Variants in TNS1 observed in about 807,000 individuals in gnomAD.
The protein encoded by TNS1 is tensin 1.
Under a neutral mutation model 168.6 loss-of-function variants are expected in TNS1, and 62 were observed. The ratio of observed to expected loss-of-function variants is 0.37; its 90% CI spans 0.30 to 0.45. The LOEUF is 0.45. Among genes scored for constraint, TNS1 ranks in the 20% least tolerant of loss-of-function variants. TNS1 has a pLI of 1.00. For missense variants in TNS1, 2,240 were observed against 2,339.4 expected, an observed-to-expected ratio of 0.96 and a Z score of 0.88; for synonymous variants, 934 against 933.2, an observed-to-expected ratio of 1.00 and a Z score of -0.02.
chr2:217,850,375 A>G (rs1051923704), intron 18 of TNS1: 7 of 985,178 alleles, frequency 7.1e-6, no homozygotes, highest in Non-Finnish European at 8.4e-6. Context: ...GAACACAAAA[A>G]CAAGATGTCT....
intron 24 of TNS1, among the ~76,000 whole-genome samples, chr2:217,816,801 G>C (rs1027269543): frequency 6.6e-6 from 1 of 152,156 alleles, no homozygotes; most frequent in African/African-American, 2.4e-5. Flanking sequence ...TAGGTGTCCT[G>C]GCTTGGCAGG....
At chr2:217,830,745 A>G (rs768373194) in intron 22 of TNS1, among the ~76,000 whole-genome samples, 2 of 152,240 alleles carry the variant, frequency 1.3e-5, no homozygotes, top group African/African-American at 2.4e-5. Flanking sequence ...TGCAGCCAGC[A>G]TCGGGAGTAG....
chr2:217,816,960 G>C (rs893093792), intron 24 of TNS1, among the ~76,000 whole-genome samples: 6 of 152,204 alleles, frequency 3.9e-5, no homozygotes, highest in African/African-American at 1.4e-4. Context: ...TTTAGACAAT[G>C]AGCTTTCTAA....
At chr2:217,810,591 A>G (rs953279328) in intron 28 of TNS1, among the ~76,000 whole-genome samples, 1 of 152,174 alleles carries the variant, frequency 6.6e-6, no homozygotes, top group African/African-American at 2.4e-5. Context: ...AAAGACGATG[A>G]TCATGGTACC....
chr2:217,904,684 G>A (rs978674901), intron 6 of TNS1, among the ~76,000 whole-genome samples: 9 of 152,046 alleles, frequency 5.9e-5, no homozygotes, highest in African/African-American at 1.7e-4. Context: ...ACAACTAAAC[G>A]GCCACCTCTT....
intron 18 of TNS1, among the ~76,000 whole-genome samples, chr2:217,876,324 G>A (rs1365818022): frequency 2.0e-5 from 3 of 152,174 alleles, no homozygotes; most frequent in Non-Finnish European, 4.4e-5. Context: ...CCTACCCATG[G>A]GGACCTGGAA....
At chr2:218,001,581 A>G (rs1184547967) in intron 1 of TNS1, among the ~76,000 whole-genome samples, 3 of 152,106 alleles carry the variant, frequency 2.0e-5, no homozygotes, top group African/African-American at 7.2e-5. Context: ...AACCTGGCCA[A>G]GGCTCCCATT....
intron 30 of TNS1, 35 bp from the exon 31 acceptor site, chr2:217,808,706 T>A: frequency 1.2e-6 from 2 of 1,603,424 alleles, no homozygotes; most frequent in Non-Finnish European, 1.7e-6. Flanking sequence ...AGAGAATGAG[T>A]GCTGAAGGGG....
intron 18 of TNS1, among the ~76,000 whole-genome samples, chr2:217,859,880 C>T (rs1158453275): frequency 1.3e-5 from 2 of 152,144 alleles, no homozygotes; most frequent in African/African-American, 2.4e-5. Context: ...GATAATAAGA[C>T]ACCAAATCCC....
intron 2 of TNS1, among the ~76,000 whole-genome samples, chr2:217,982,327 A>T (rs1437120241): frequency 6.6e-6 from 1 of 152,082 alleles, no homozygotes; most frequent in Non-Finnish European, 1.5e-5. Context: ...CACCCAGCCA[A>T]GTCACTCATG....
upstream of TNS1, among the ~76,000 whole-genome samples, chr2:218,005,864 G>A (rs1300999427): frequency 6.6e-6 from 1 of 152,152 alleles, no homozygotes; most frequent in Non-Finnish European, 1.5e-5. Context: ...CACCCTATCT[G>A]CAGCCACCTC....
intron 4 of TNS1, among the ~76,000 whole-genome samples, chr2:217,910,165 A>C (rs1954200328): frequency 6.6e-6 from 1 of 152,248 alleles, no homozygotes; most frequent in South Asian, 2.1e-4. Flanking sequence ...TCAGCAGTGC[A>C]AGAGAAACTT....
At chr2:218,000,672 C>G (rs1457458307) in intron 1 of TNS1, among the ~76,000 whole-genome samples, 3 of 152,226 alleles carry the variant, frequency 2.0e-5, no homozygotes, top group African/African-American at 4.8e-5. Flanking sequence ...CTGCCCATAC[C>G]AAACGATGGA....
chr2:217,912,191 G>A (rs1265715764), intron 4 of TNS1, among the ~76,000 whole-genome samples: 2 of 152,250 alleles, frequency 1.3e-5, no homozygotes, highest in African/African-American at 2.4e-5. Context: ...AGGAGGACAG[G>A]TTAGTGGCCT....
chr2:217,852,206 C>A (rs1947600983), intron 18 of TNS1, among the ~76,000 whole-genome samples: 1 of 152,206 alleles, frequency 6.6e-6, no homozygotes, highest in Non-Finnish European at 1.5e-5. Flanking sequence ...AGACAGGAGC[C>A]TCTGATGCAC....
At chr2:217,993,196 C>G (rs1958409476) in intron 1 of TNS1, among the ~76,000 whole-genome samples, 1 of 152,146 alleles carries the variant, frequency 6.6e-6, no homozygotes, top group African/African-American at 2.4e-5. Context: ...TGCACAATGA[C>G]AAAATCCCCC....
intron 6 of TNS1, chr2:217,905,360 T>C (rs1284610314): frequency 4.4e-6 from 2 of 451,296 alleles, no homozygotes; most frequent in Non-Finnish European, 8.9e-6. Context: ...AGAGGCCCCA[T>C]GCGGTCCATG....
At chr2:217,831,667 C>T (rs1196226135) in intron 21 of TNS1, 120 bp from the exon 22 acceptor site, 2 of 670,846 alleles carry the variant, frequency 3.0e-6, no homozygotes, top group East Asian at 6.8e-5. Context: ...GCCGAGGAAC[C>T]ACCCTGAGGC....
rs78315276 is a variant in TNS1 at position 217,983,759 on chromosome 2, G to C, written c.149-4957C>G. 4.2e-3 allele frequency among the ~76,000 whole-genome samples: 643 copies of C among 152,312 alleles called. 4 individuals are homozygous for C. Among genetic ancestry groups the C allele is most frequent in the African/African-American group, 0.014 (589 of 41,574 alleles). On this transcript the variant is annotated intron_variant, in intron 2 of 32. Transcript: ENST00000682258. Reference sequence around the variant, plus strand: ...TTCCATGGCCGGCACAGAGGCACAGGCCTGGCCACCTGCCTGCTCACCGGC... The same window carrying C: ...TTCCATGGCCGGCACAGAGGCACAGCCCTGGCCACCTGCCTGCTCACCGGC...
Sources: allele counts gnomAD v4.1 joint callset (sites outside exome capture counted in the v4.1 genomes callset), GRCh38; gene constraint gnomAD v4.1.1; transcripts MANE v1.5; gene names NCBI Gene and HGNC (gene_info 2026-07-23, HGNC 2026-07-21).